Variants in INTS1 observed in about 807,000 individuals in gnomAD.
INTS1 encodes the protein integrator complex subunit 1.
In INTS1, 137 loss-of-function variants were observed where a neutral mutation model predicts 241.6. The observed-to-expected ratio is 0.57, with a 90% CI of 0.49 to 0.65. The LOEUF (loss-of-function observed/expected upper bound fraction) is 0.65. INTS1 is among the 30% of genes least tolerant of loss of function. The probability of loss-of-function intolerance (pLI) is 0.00; values close to 1 mark genes in which losing one functional copy is unlikely to be tolerated. For missense variants in INTS1, 3,073 were observed against 3,032.2 expected (o/e 1.01, Z -0.32); for synonymous variants, 1,692 against 1,337.8 (o/e 1.26, Z -5.78).
chr7:1,490,981 G>A (rs746241951), intron 16 of INTS1, among the ~76,000 whole-genome samples: 2 of 152,210 alleles, frequency 1.3e-5, no homozygotes, highest in African/African-American at 2.4e-5. Context: ...GCGCCAAGAC[G>A]GCCCAAGGCG....
chr7:1,486,205 G>C (rs1293181972), intron 22 of INTS1, among the ~76,000 whole-genome samples: 1 of 151,958 alleles, frequency 6.6e-6, no homozygotes, highest in Non-Finnish European at 1.5e-5. Context: ...CAAAGTGCTG[G>C]GATGACAAGA....
At position 1,480,387 on chromosome 7, in the gene INTS1, C is replaced by A. The variant is rs780713629; in HGVS notation, c.4004G>T (p.Gly1335Val). ...GAGCTGGGTCCCCACCCGAATCCGG[C>A]CCTGGCCTATGGGCTGCTCTGGGCT... The part of the protein sequence containing the change: ...KSSPEQPIGQ[G>V]RIRVGTQLRV... Residue 1335 changes from glycine (G) to valine (V), a missense_variant, in exon 30 of 48, where the codon GGC becomes GTC. Coordinates refer to ENST00000404767, the MANE Select transcript of INTS1 (RefSeq NM_001080453.3). 2.4e-5 allele frequency: 39 copies of A among 1,612,936 alleles called. No homozygotes were observed. The Admixed American group carries it at 6.2e-4, about 26-fold the overall frequency.
In INTS1 at chr7:1,485,292, G is replaced by A. The variant is rs1283348794; in HGVS notation, c.3154C>T (p.Gln1052Ter). Reference sequence around the variant, plus strand: ...GCGGCCCCGGTCAGCGCCCTCACCTGCTGCAGGGCCAGGGCTGTGGTGCTC... The same window carrying A: ...GCGGCCCCGGTCAGCGCCCTCACCTACTGCAGGGCCAGGGCTGTGGTGCTC... ...VRSTTALALQ[Q>*]AIHMETDPQT... The change falls in exon 23 of 48, where the codon CAG becomes TAG. Residue 1052 changes from glutamine (Q) to a stop codon, truncating the protein, a stop_gained and splice_region_variant. Coordinates refer to ENST00000404767, the MANE Select transcript of INTS1 (RefSeq NM_001080453.3). LOFTEE classifies it high-confidence loss of function. 6.2e-7 allele frequency: 1 copy of A among 1,606,010 alleles called. No individual in the cohort carries two copies. The highest frequency in any genetic ancestry group is 1.7e-5 in the Admixed American group (1 of 59,864).
intron 30 of INTS1, 27 bp from the exon 31 acceptor site, chr7:1,479,711 AG>A: frequency 6.9e-7 from 1 of 1,448,862 alleles, no homozygotes; most frequent in Non-Finnish European, 9.1e-7. Flanking sequence ...CAGTGTCAGG[AG>A]GAAGCGGAGG....
At chr7:1,498,298 G>C (rs1466534662) in intron 10 of INTS1, 114 bp downstream of exon 10, 3 of 1,473,606 alleles carry the variant, frequency 2.0e-6, no homozygotes, top group African/African-American at 2.8e-5. Flanking sequence ...AGACCGAGGA[G>C]CATTCTCCCA....
intron 27 of INTS1, chr7:1,482,333 CG>C (rs1782035658): frequency 4.5e-6 from 2 of 447,704 alleles, no homozygotes; most frequent in Non-Finnish European, 7.9e-6. Context: ...AAGACCCTCT[CG>C]GACGGGGCCA....
chr7:1,499,828 C>T, intron 5 of INTS1, 56 bp downstream of exon 5: 1 of 1,572,836 alleles, frequency 6.4e-7, no homozygotes, highest in Non-Finnish European at 8.6e-7. Context: ...TTCTCTCGCC[C>T]CTGCCCCACC....
chr7:1,489,745 G>T, intron 16 of INTS1, 63 bp from the exon 17 acceptor site: 1 of 1,242,898 alleles, frequency 8.0e-7, no homozygotes, highest in Non-Finnish European at 1.1e-6. Flanking sequence ...AGGATCGGCC[G>T]GGCCAGGTGG....
At chr7:1,495,403 G>C in intron 13 of INTS1, 30 bp downstream of exon 13, 4 of 1,594,844 alleles carry the variant, frequency 2.5e-6, no homozygotes, top group Non-Finnish European at 3.4e-6. Context: ...TGGGGTGTGG[G>C]ACAGGGGCTG....
intron 11 of INTS1, 33 bp from the exon 12 acceptor site, chr7:1,496,297 G>C (rs996404194): frequency 1.3e-6 from 2 of 1,531,892 alleles, no homozygotes; most frequent in Non-Finnish European, 9.0e-7. Context: ...GTATCCAGAA[G>C]GGACACCCGG....
intron 17 of INTS1, 27 bp from the exon 18 acceptor site, chr7:1,489,431 G>T (rs768976071): frequency 6.3e-7 from 1 of 1,596,320 alleles, no homozygotes; most frequent in South Asian, 1.1e-5. Context: ...TGTGGGGCTG[G>T]CCAGGCTCCC....
rs753196501 is a variant in INTS1, at chr7:1,481,235, C to T, written c.3850+107G>A. On this transcript the variant is annotated intron_variant, in intron 28 of 47. Transcript: ENST00000404767. The surrounding 1 kb of genome is among the most constrained non-coding windows in gnomAD (Gnocchi z 6.8). ...TGCCCTCGAGTGCCACCCACACCCA[C>T]CCGACCTCGGATCACCCACCCGCTC... 1.5e-6 allele frequency: 2 copies of T among 1,318,978 alleles called. No homozygotes were observed. Among genetic ancestry groups the T allele is most frequent in the Non-Finnish European group, 1.1e-6 (1 of 938,866 alleles). The allele number at this position is 1,318,978 out of a possible 1,614,324, so 81.7% of individuals were successfully genotyped here.
chr7:1,475,809 G>C (rs1455162842), intron 39 of INTS1, 139 bp downstream of exon 39: 1 of 1,086,802 alleles, frequency 9.2e-7, no homozygotes, highest in African/African-American at 1.6e-5. Flanking sequence ...AAACCCACAG[G>C]GCCACAGGGC....
rs550542906 is a variant in INTS1 at position 1,491,877 on chromosome 7, TGACA to T, written c.2165+1129_2165+1132del. ...TTGTGCCACCGCACTCCAGCCTAGG[TGACA>T]GACAGAGCAAGACTCCGTTCCCCAC... On this transcript the variant is annotated intron_variant, in intron 16 of 47. Coordinates refer to ENST00000404767, the MANE Select transcript of INTS1 (RefSeq NM_001080453.3). 1.8e-4 allele frequency among the ~76,000 whole-genome samples: 27 copies of T among 152,252 alleles called. No individual in the cohort carries two copies. In the South Asian group the frequency reaches 5.4e-3, roughly 30 times the overall value.
chr7:1,475,977 C>T lies in INTS1; in HGVS notation c.5473G>A (p.Glu1825Lys), dbSNP rs533712246. The change falls in exon 39 of 48, where the codon GAA becomes AAA. Residue 1825 changes from glutamate (E) to lysine (K), a missense_variant. Glu to Lys is a moderately conservative substitution (Grantham distance 56, BLOSUM62 1). Transcript: ENST00000404767. ...CAGACGCTGCTGCTGGCAGCCCCTTCGCTGTGCAGTAGGACCTCAGGCACG... is the reference window on the plus strand; with the variant it reads ...CAGACGCTGCTGCTGGCAGCCCCTTTGCTGTGCAGTAGGACCTCAGGCACG... ...VPVPEVLLHSEGAASSSVCKL... is the reference protein window; with the variant it reads ...VPVPEVLLHSKGAASSSVCKL... 314 of 1,544,168 alleles carry T rather than the reference C, an allele frequency of 2.0e-4. 1 individual carries two copies. Among genetic ancestry groups the T allele is most frequent in the Admixed American group, 2.7e-4 (14 of 50,992 alleles).
At position 1,478,921 on chromosome 7, in the gene INTS1, G is replaced by A. The variant is rs563663500; in HGVS notation, c.4330-36C>T. The A allele has an allele frequency of 4.3e-5, 68 of 1,574,038 alleles. 2 individuals are homozygous for A. In the African/African-American group the frequency reaches 6.6e-4, roughly 15 times the overall value. On this transcript the variant is annotated intron_variant, in intron 31 of 47. Transcript: ENST00000404767. ...AAAGTGGCACGTGGCTACCCTGGCA[G>A]AGGACACACGGGGACCCGGCACCCG...
intron 39 of INTS1, among the ~76,000 whole-genome samples, chr7:1,475,462 A>G (rs1175478779): frequency 2.6e-5 from 4 of 152,068 alleles, no homozygotes; most frequent in African/African-American, 9.7e-5. Flanking sequence ...ACAAGCAGAA[A>G]TGATTAGAGA....
intron 22 of INTS1, 152 bp from the exon 23 acceptor site, chr7:1,485,621 C>T (rs1375815955): frequency 8.3e-6 from 6 of 721,432 alleles, no homozygotes; most frequent in East Asian, 2.8e-5. Flanking sequence ...AAGGGAAAAA[C>T]GAGACTGAGC....
In INTS1 at chr7:1,473,570, G is replaced by A; in HGVS notation, c.5953C>T (p.Leu1985Phe). The A allele has an allele frequency of 6.3e-7, 1 of 1,590,182 alleles. No individual in the cohort carries two copies. The change falls in exon 42 of 48, where the codon CTC becomes TTC. Residue 1985 changes from leucine to phenylalanine, a missense_variant. Coordinates refer to ENST00000404767, the MANE Select transcript of INTS1 (RefSeq NM_001080453.3). ...CTGCAGCCCGTGGGCACTCACTGGA[G>A]CGGGTCGGCGTGCTTCTGCAGGAAG... ...ISFLQKHADP[L>F]HDLSFDNSDL...
Sources: gnomAD v4.1 joint callset for allele counts (sites outside exome capture counted in the v4.1 genomes callset) on GRCh38, gnomAD v4.1.1 for gene constraint, Gnocchi (gnomAD v3.1) non-coding constraint, MANE v1.5 for transcripts, NCBI Gene and HGNC (gene_info 2026-07-23, HGNC 2026-07-21) for gene names.